Variants in TRIM14 observed in about 807,000 individuals in gnomAD.
TRIM14 encodes the protein tripartite motif containing 14, also known as tripartite motif-containing protein 14.
TRIM14 carries 28 observed loss-of-function variants against 44.5 expected under a neutral mutation model. The ratio of observed to expected loss-of-function variants is 0.63; its 90% CI spans 0.47 to 0.86. The LOEUF is 0.86. TRIM14 is among the 40% of genes least tolerant of loss of function. TRIM14 has a pLI of 0.00. For missense variants in TRIM14, 607 were observed against 611.1 expected (o/e 0.99, Z 0.07); for synonymous variants, 299 against 269.2 (o/e 1.11, Z -1.08).
the TRIM14 span, among the ~76,000 whole-genome samples, chr9:98,041,986 G>A: frequency 6.6e-6 from 1 of 151,452 alleles, no homozygotes; most frequent in East Asian, 2.0e-4. Context: ...CCTGGCCTAA[G>A]GACATCTTTT....
intron 6 of TRIM14, among the ~76,000 whole-genome samples, chr9:98,074,387 C>G (rs1829487746): frequency 6.6e-6 from 1 of 152,076 alleles, no homozygotes; most frequent in African/African-American, 2.4e-5. Context: ...ATAGCACGGT[C>G]GGCAGGCTAG....
At position 98,119,205 on chromosome 9, in the gene TRIM14, C is replaced by T. The variant is rs776521158; in HGVS notation, c.-17G>A. On this transcript the variant is annotated 5_prime_UTR_variant, in exon 1 of 6. Coordinates refer to ENST00000341469, the MANE Select transcript of TRIM14 (RefSeq NM_014788.4). ...GCCCGCCATTCATCTCCACCTCCTC[C>T]GGCTCCCCGGGACACAGGGCGGGGC... 1.9e-6 allele frequency: 3 copies of T among 1,565,546 alleles called. No individual in the cohort carries two copies. Among genetic ancestry groups the T allele is most frequent in the Non-Finnish European group, 8.6e-7 (1 of 1,166,578 alleles).
intron 3 of TRIM14, among the ~76,000 whole-genome samples, chr9:98,098,306 C>G (rs776864225): frequency 2.0e-5 from 3 of 152,174 alleles, no homozygotes; most frequent in Non-Finnish European, 4.4e-5. Flanking sequence ...CTTCCCAAGG[C>G]AAAGAAGGAA....
At chr9:98,037,669 C>T in the TRIM14 span, among the ~76,000 whole-genome samples, 1 of 152,074 alleles carries the variant, frequency 6.6e-6, no homozygotes. Context: ...AGGCAGGAGT[C>T]CTAAAGGCTA....
At chr9:98,060,935 A>T in the TRIM14 span, 1 of 1,614,220 alleles carries the variant, frequency 6.2e-7, no homozygotes, top group Non-Finnish European at 8.5e-7. Context: ...TGACCAGTAC[A>T]GGGAGCTGCA....
the TRIM14 span, among the ~76,000 whole-genome samples, chr9:98,045,461 A>G: frequency 6.6e-6 from 1 of 152,318 alleles, no homozygotes; most frequent in South Asian, 2.1e-4. Context: ...TGGCCAATCA[A>G]ATGTAGCCAA....
chr9:98,065,491 TTTTTTTTTTTTTTTTTTTTGTA>T (rs1829117582), downstream of TRIM14, among the ~76,000 whole-genome samples: 1 of 131,826 alleles, frequency 7.6e-6, no homozygotes, highest in Admixed American at 7.6e-5. Context: ...TAATTTTTTT[TTTTTTTTTTTTTTTTTTTTGTA>T]TTTTTAGTAG....
At chr9:98,088,036 G>T in intron 5 of TRIM14, 31 bp from the exon 6 acceptor site, 2 of 1,449,150 alleles carry the variant, frequency 1.4e-6, no homozygotes, top group African/African-American at 1.5e-5. Context: ...GACGCACCTG[G>T]TGGGCGGGGC....
the TRIM14 span, among the ~76,000 whole-genome samples, chr9:98,043,253 C>A: frequency 6.6e-6 from 1 of 151,888 alleles, no homozygotes; most frequent in African/African-American, 2.4e-5. Flanking sequence ...TACTGGCTCA[C>A]TGCAACCTCC....
downstream of TRIM14, among the ~76,000 whole-genome samples, chr9:98,066,505 C>T (rs970226886): frequency 1.3e-5 from 2 of 152,146 alleles, no homozygotes; most frequent in Non-Finnish European, 2.9e-5. Context: ...GGGTACAATT[C>T]AGTGGTGTTT....
chr9:98,053,471 G>T, the TRIM14 span, among the ~76,000 whole-genome samples: 1 of 152,122 alleles, frequency 6.6e-6, no homozygotes, highest in African/African-American at 2.4e-5. Context: ...GGCTTATATG[G>T]CTCCTAAGTC....
At chr9:98,083,053 T>A, downstream of TRIM14, 1 of 1,613,818 alleles carries the variant, frequency 6.2e-7, no homozygotes, top group South Asian at 1.1e-5. Context: ...AATCAAGTCT[T>A]AAAAATAAAG....
the TRIM14 span, among the ~76,000 whole-genome samples, chr9:98,049,389 G>A: frequency 7.0e-6 from 1 of 142,970 alleles, no homozygotes; most frequent in Non-Finnish European, 1.5e-5. Flanking sequence ...CATATGCAGA[G>A]CACCCCCAAG....
chr9:98,076,954 T>C (rs199986788), intron 6 of TRIM14: 1 of 1,612,292 alleles, frequency 6.2e-7, no homozygotes, highest in Admixed American at 1.7e-5. Context: ...GAATGTTCCA[T>C]TTTTCAAAGT....
rs1825844824 is a variant in TRIM14, at chr9:98,087,842, G to A, written c.957C>T (p.Thr319=). The A allele has an allele frequency of 6.5e-7, 1 of 1,547,692 alleles. No homozygotes were observed. ...WQVLARDCFA[T]GRHYWEVDVQ... is the part of the protein sequence containing the mutation. ...CGTCAACCTCCCAGTAGTGGCGGCC[G>A]GTGGCGAAGCAGTCACGAGCCAGCA... The change falls in exon 6 of 6, where the codon ACC becomes ACT. Residue 319 remains threonine (T), a synonymous_variant. Coordinates refer to ENST00000341469, the MANE Select transcript of TRIM14 (RefSeq NM_014788.4).
chr9:98,106,989 G>C (rs761202243), intron 2 of TRIM14, among the ~76,000 whole-genome samples: 3 of 152,020 alleles, frequency 2.0e-5, no homozygotes, highest in Non-Finnish European at 4.4e-5. Flanking sequence ...ACCATACCTG[G>C]ATGATTTTTT....
chr9:98,056,699 C>A, the TRIM14 span: 1 of 1,440,358 alleles, frequency 6.9e-7, no homozygotes, highest in Non-Finnish European at 9.2e-7. Flanking sequence ...GCTGACGTGG[C>A]GGGGCTGGCG....
At chr9:98,107,947 C>T (rs1322472959) in intron 2 of TRIM14, among the ~76,000 whole-genome samples, 1 of 152,128 alleles carries the variant, frequency 6.6e-6, no homozygotes, top group African/African-American at 2.4e-5. Flanking sequence ...GGATTACAGG[C>T]ATGAGCCACC....
At chr9:98,057,922 G>GTTTTTTTTTTTTT in the TRIM14 span, among the ~76,000 whole-genome samples, 1 of 78,088 alleles carries the variant, frequency 1.3e-5, no homozygotes, top group Non-Finnish European at 2.3e-5. Context: ...TTTTTTCCTG[G>GTTTTTTTTTTTTT]TTTTTTTTTT....
Sources: gnomAD v4.1 joint callset for allele counts (sites outside exome capture counted in the v4.1 genomes callset) on GRCh38, gnomAD v4.1.1 for gene constraint, MANE v1.5 for transcripts, NCBI Gene and HGNC (gene_info 2026-07-23, HGNC 2026-07-21) for gene names.